LRRC7: variants seen among roughly 807,000 people sequenced by gnomAD.
LRRC7 encodes leucine rich repeat containing 7, also known as leucine-rich repeat-containing protein 7.
LRRC7 carries 23 observed loss-of-function variants against 175.7 expected under a neutral mutation model. The ratio of observed to expected loss-of-function variants is 0.13; its 90% CI spans 0.09 to 0.19. LRRC7 has a LOEUF of 0.19. LRRC7 is among the 10% of genes least tolerant of loss of function. LRRC7 has a pLI of 1.00. For synonymous variants in LRRC7, 685 were observed against 680.9 expected, an observed-to-expected ratio of 1.01 and a Z score of -0.09; for missense variants, 1,354 against 1,904.7, an observed-to-expected ratio of 0.71 and a Z score of 5.38.
chr1:69,866,831 T>G (rs1406074221), intron 7 of LRRC7, among the ~76,000 whole-genome samples: 3 of 152,314 alleles, frequency 2.0e-5, no homozygotes, highest in East Asian at 3.9e-4. Flanking sequence ...GTACCTCTAT[T>G]TATCACTGCT....
chr1:70,009,677 T>A (rs1488177527), intron 11 of LRRC7, among the ~76,000 whole-genome samples: 2 of 152,206 alleles, frequency 1.3e-5, no homozygotes, highest in Non-Finnish European at 2.9e-5. Context: ...AATCTCCAGC[T>A]TAGAGAGAAT....
intron 3 of LRRC7, among the ~76,000 whole-genome samples, chr1:69,784,874 T>C (rs1674225506): frequency 6.6e-6 from 1 of 152,186 alleles, no homozygotes; most frequent in Non-Finnish European, 1.5e-5. Flanking sequence ...TTAAAGTTAT[T>C]TTTTAGTTAC....
At chr1:69,576,834 C>T (rs1645971038) in intron 1 of LRRC7, among the ~76,000 whole-genome samples, 1 of 152,174 alleles carries the variant, frequency 6.6e-6, no homozygotes, top group African/African-American at 2.4e-5. Flanking sequence ...CACCATTTTA[C>T]ATGACAAAAT....
chr1:69,581,653 T>G (rs1646206226), intron 1 of LRRC7, among the ~76,000 whole-genome samples: 1 of 148,912 alleles, frequency 6.7e-6, no homozygotes, highest in Non-Finnish European at 1.5e-5. Flanking sequence ...TTACTGGAAA[T>G]GAATTGAATA....
At chr1:70,039,864 C>T in intron 21 of LRRC7, 71 bp downstream of exon 21, 1 of 1,499,624 alleles carries the variant, frequency 6.7e-7, no homozygotes, top group Non-Finnish European at 8.9e-7. Flanking sequence ...TTTCTAAGCA[C>T]ATGTAGTGAA....
At chr1:69,974,470 T>C (rs900354331) in intron 8 of LRRC7, among the ~76,000 whole-genome samples, 67 of 152,374 alleles carry the variant, frequency 4.4e-4, no homozygotes, top group African/African-American at 1.5e-3. Context: ...GCTCATCTTA[T>C]AGCACTTTCA....
intron 1 of LRRC7, among the ~76,000 whole-genome samples, chr1:69,590,743 G>A (rs1009392000): frequency 5.3e-5 from 8 of 152,048 alleles, no homozygotes; most frequent in African/African-American, 1.9e-4. Context: ...GTATTGTTAG[G>A]CTCTTTTAGA....
chr1:70,071,621 A>G (rs1416357623), intron 23 of LRRC7, among the ~76,000 whole-genome samples: 1 of 152,198 alleles, frequency 6.6e-6, no homozygotes, highest in Non-Finnish European at 1.5e-5. Context: ...AAAATCAGTA[A>G]GTAAGTTATC....
intron 7 of LRRC7, chr1:69,873,530 C>G (rs1685760647): frequency 5.7e-6 from 3 of 529,224 alleles, no homozygotes; most frequent in Non-Finnish European, 1.2e-5. Context: ...ACACCTACAA[C>G]AGAGGATGTG....
At chr1:70,060,037 G>T (rs761689507) in intron 23 of LRRC7, among the ~76,000 whole-genome samples, 1 of 151,974 alleles carries the variant, frequency 6.6e-6, no homozygotes, top group Non-Finnish European at 1.5e-5. Flanking sequence ...ATGTCCAGTT[G>T]TGGTGGCTCA....
intron 7 of LRRC7, among the ~76,000 whole-genome samples, chr1:69,850,460 C>A (rs1682852382): frequency 6.6e-6 from 1 of 152,062 alleles, no homozygotes; most frequent in Admixed American, 6.6e-5. Context: ...AATGAACAGT[C>A]TGACTTCTCT....
intron 8 of LRRC7, among the ~76,000 whole-genome samples, chr1:69,961,624 T>C (rs552564100): frequency 2.0e-5 from 3 of 152,228 alleles, no homozygotes; most frequent in South Asian, 2.1e-4. Context: ...ATGGTACTAG[T>C]ACAAGAGCAG....
intron 4 of LRRC7, among the ~76,000 whole-genome samples, chr1:69,816,176 C>T (rs1222790884): frequency 1.3e-5 from 2 of 151,960 alleles, no homozygotes; most frequent in African/African-American, 4.8e-5. Flanking sequence ...CGGGGTTTCA[C>T]CATGTTGGCC....
At chr1:69,908,191 G>T (rs1020598072) in intron 7 of LRRC7, among the ~76,000 whole-genome samples, 1 of 151,764 alleles carries the variant, frequency 6.6e-6, no homozygotes, top group African/African-American at 2.4e-5. Flanking sequence ...TATCAATTTT[G>T]TTGATCTTTT....
intron 1 of LRRC7, among the ~76,000 whole-genome samples, chr1:69,633,892 C>A (rs952898763): frequency 1.3e-5 from 2 of 151,920 alleles, no homozygotes; most frequent in Admixed American, 1.3e-4. Context: ...TTTTTTTCTT[C>A]TTGTTTGCTG....
At chr1:69,897,761 A>G (rs1646021059) in intron 7 of LRRC7, among the ~76,000 whole-genome samples, 1 of 152,212 alleles carries the variant, frequency 6.6e-6, no homozygotes, top group Non-Finnish European at 1.5e-5. Context: ...GGATACCAAT[A>G]CATATTCCAT....
intron 12 of LRRC7, 59 bp downstream of exon 12, chr1:70,011,985 A>G: frequency 7.8e-7 from 1 of 1,275,184 alleles, no homozygotes; most frequent in Non-Finnish European, 1.1e-6. Flanking sequence ...TTGGAGTAAA[A>G]TCTTAACAGG....
At chr1:69,732,981 A>G (rs1667740463) in intron 2 of LRRC7, among the ~76,000 whole-genome samples, 1 of 152,068 alleles carries the variant, frequency 6.6e-6, no homozygotes, top group South Asian at 2.1e-4. Context: ...TCTGATTTCT[A>G]GAAGAGATTC....
chr1:70,038,012 A>G (rs1196420686), intron 20 of LRRC7, 101 bp from the exon 21 acceptor site: 23 of 1,373,564 alleles, frequency 1.7e-5, no homozygotes, highest in Non-Finnish European at 2.3e-5. Context: ...ATTATTGATC[A>G]GTTAAACAAA....
Sources: allele counts gnomAD v4.1 joint callset (sites outside exome capture counted in the v4.1 genomes callset), GRCh38; gene constraint gnomAD v4.1.1; transcripts MANE v1.5; gene names NCBI Gene and HGNC (gene_info 2026-07-23, HGNC 2026-07-21).